FARP1: variants seen among roughly 807,000 people sequenced by gnomAD.
FARP1 encodes FERM, ARH/RhoGEF and pleckstrin domain protein 1.
Under a neutral mutation model 128.8 loss-of-function variants are expected in FARP1, and 52 were observed. The observed-to-expected ratio is 0.40, with a 90% CI of 0.32 to 0.51. FARP1 has a LOEUF of 0.51. FARP1 is among the 20% of genes least tolerant of loss of function. FARP1 has a pLI of 0.45. For synonymous variants in FARP1, 580 were observed against 551.8 expected (o/e 1.05, Z -0.72); for missense variants, 1,333 against 1,367.9 (o/e 0.97, Z 0.40).
chr13:98,393,321 C>T (rs1039211903), intron 11 of FARP1, among the ~76,000 whole-genome samples: 5 of 152,220 alleles, frequency 3.3e-5, no homozygotes, highest in Admixed American at 1.3e-4. Context: ...GCAGCCACAT[C>T]CTCCCTCCTC....
chr13:98,338,451 G>A (rs1887830703), intron 2 of FARP1: 1 of 152,214 alleles, frequency 6.6e-6, no homozygotes, highest in East Asian at 1.9e-4. Flanking sequence ...TTAGAACAGT[G>A]TCTGTAAGTT....
At chr13:98,417,470 A>AGG (rs1891428160) in intron 16 of FARP1, among the ~76,000 whole-genome samples, 3 of 135,718 alleles carry the variant, frequency 2.2e-5, no homozygotes, top group Admixed American at 1.4e-4. Flanking sequence ...AAAAAAAAAA[A>AGG]AAAAAAAAAA....
At chr13:98,283,544 G>T (rs192188417) in intron 2 of FARP1, among the ~76,000 whole-genome samples, 6 of 152,242 alleles carry the variant, frequency 3.9e-5, no homozygotes, top group African/African-American at 1.4e-4. Context: ...TAAGAAGCTG[G>T]TTTTGTTTCT....
At chr13:98,164,440 G>T (rs920053684) in intron 1 of FARP1, among the ~76,000 whole-genome samples, 1 of 152,176 alleles carries the variant, frequency 6.6e-6, no homozygotes, top group Non-Finnish European at 1.5e-5. Flanking sequence ...GTTGCTCTTG[G>T]TAGGTTTATG....
chr13:98,415,320 C>T (rs936481873), intron 16 of FARP1, among the ~76,000 whole-genome samples: 6 of 152,186 alleles, frequency 3.9e-5, no homozygotes, highest in Admixed American at 1.3e-4. Context: ...CTGCAACAAC[C>T]GACCCTGCAG....
chr13:98,211,038 T>A (rs1389907758), intron 1 of FARP1, among the ~76,000 whole-genome samples: 2 of 152,216 alleles, frequency 1.3e-5, no homozygotes, highest in African/African-American at 2.4e-5. Flanking sequence ...CAACCCTCTT[T>A]CTTTAGTTAT....
At chr13:98,157,837 A>G (rs1594210250) in intron 1 of FARP1, among the ~76,000 whole-genome samples, 2 of 152,220 alleles carry the variant, frequency 1.3e-5, no homozygotes, top group East Asian at 3.8e-4. Context: ...TGCTCAATAA[A>G]TATTTAAGAT....
upstream of FARP1, chr13:98,143,071 C>T (rs1461509642): frequency 2.7e-5 from 4 of 148,000 alleles, no homozygotes; most frequent in Non-Finnish European, 4.5e-5. Flanking sequence ...CCGGCCCAGA[C>T]CCGGGGAGGG....
intron 1 of FARP1, among the ~76,000 whole-genome samples, chr13:98,194,569 G>A (rs1257210905): frequency 6.6e-6 from 1 of 152,194 alleles, no homozygotes; most frequent in Non-Finnish European, 1.5e-5. Context: ...GCAACCTCAG[G>A]CATAAATGGG....
At chr13:98,151,421 A>G (rs1875988193) in intron 1 of FARP1, among the ~76,000 whole-genome samples, 1 of 152,090 alleles carries the variant, frequency 6.6e-6, no homozygotes. Context: ...TTATCGGTGT[A>G]TTCTCCTTAG....
At chr13:98,342,469 C>T (rs879912119) in intron 2 of FARP1, among the ~76,000 whole-genome samples, 1 of 148,512 alleles carries the variant, frequency 6.7e-6, no homozygotes, top group African/African-American at 2.5e-5. Context: ...GAGGCTGAGG[C>T]AGGTGGATCA....
intron 2 of FARP1, chr13:98,334,345 GGTAGTAACA>G (rs893479964): frequency 2.6e-5 from 4 of 152,166 alleles, no homozygotes; most frequent in African/African-American, 9.7e-5. Flanking sequence ...AAGTGAAAAA[GGTAGTAACA>G]CCCTGTTCTG....
At chr13:98,315,696 G>T (rs1260949981) in intron 2 of FARP1, among the ~76,000 whole-genome samples, 3 of 152,164 alleles carry the variant, frequency 2.0e-5, no homozygotes, top group Non-Finnish European at 4.4e-5. Context: ...TCGCCTCGTG[G>T]TGTCCTGGAA....
intron 1 of FARP1, among the ~76,000 whole-genome samples, chr13:98,181,628 ATTTATTTATTTAT>A (rs1878522930): frequency 1.0e-5 from 1 of 97,456 alleles, no homozygotes; most frequent in Admixed American, 1.1e-4. Flanking sequence ...TTATTTATTT[ATTTATTTATTTAT>A]TTGAGAGAGA....
At chr13:98,145,186 T>C (rs775738807) in intron 1 of FARP1, among the ~76,000 whole-genome samples, 1 of 152,144 alleles carries the variant, frequency 6.6e-6, no homozygotes, top group Non-Finnish European at 1.5e-5. Context: ...CTCTTACTTG[T>C]TTCTTTTATG....
chr13:98,409,213 C>A (rs1308191311), intron 13 of FARP1, 125 bp from the exon 14 acceptor site: 1 of 712,442 alleles, frequency 1.4e-6, no homozygotes, highest in Non-Finnish European at 2.3e-6. Context: ...TAAAGAATCG[C>A]TTTAGGTTTG....
chr13:98,167,763 A>T (rs1168815046), intron 1 of FARP1, among the ~76,000 whole-genome samples: 1 of 152,304 alleles, frequency 6.6e-6, no homozygotes, highest in East Asian at 1.9e-4. Context: ...TGATTCATTT[A>T]AAAAAGTCTA....
chr13:98,367,475 G>A (rs1021867336), intron 4 of FARP1, among the ~76,000 whole-genome samples: 16 of 150,736 alleles, frequency 1.1e-4, no homozygotes, highest in Non-Finnish European at 2.2e-4. Flanking sequence ...TAATCTGTCT[G>A]TCCTGTTTTC....
intron 4 of FARP1, 112 bp from the exon 5 acceptor site, chr13:98,368,005 A>G: frequency 3.9e-6 from 3 of 778,506 alleles, no homozygotes; most frequent in Non-Finnish European, 6.3e-6. Context: ...GCAGATGTGC[A>G]CTTGGCAGCT....
Sources: gnomAD v4.1 joint callset for allele counts (sites outside exome capture counted in the v4.1 genomes callset) on GRCh38, gnomAD v4.1.1 for gene constraint, MANE v1.5 for transcripts, NCBI Gene and HGNC (gene_info 2026-07-23, HGNC 2026-07-21) for gene names.